SAMD4A: variants seen among roughly 807,000 people sequenced by gnomAD.
The protein encoded by SAMD4A is protein Smaug homolog 1.
In SAMD4A, 33 loss-of-function variants were observed where a neutral mutation model predicts 81.3. The observed-to-expected ratio is 0.41, with a 90% confidence interval of 0.31 to 0.54. The LOEUF (loss-of-function observed/expected upper bound fraction) is 0.54, where lower values mean the gene tolerates loss of function less well. Ranked by LOEUF, SAMD4A falls within the 20% of genes least tolerant of loss-of-function variation. SAMD4A has a pLI of 0.37. For synonymous variants in SAMD4A, 389 were observed against 382.1 expected (o/e 1.02, Z -0.21); for missense variants, 854 against 951.1 (o/e 0.90, Z 1.34).
intron 7 of SAMD4A, among the ~76,000 whole-genome samples, chr14:54,763,711 A>C (rs2038464237): frequency 6.6e-6 from 1 of 152,106 alleles, no homozygotes; most frequent in Non-Finnish European, 1.5e-5. Context: ...ACCCATCTCC[A>C]CTGTGGCCCT....
chr14:54,771,591 G>A (rs7155922), intron 9 of SAMD4A, among the ~76,000 whole-genome samples: 84,485 of 152,064 alleles, frequency 0.56, 23,598 homozygotes, highest in East Asian at 0.65. Flanking sequence ...GAGGATTCCC[G>A]ATGGCCCAGA....
intron 2 of SAMD4A, among the ~76,000 whole-genome samples, chr14:54,584,829 A>G (rs866541269): frequency 7.9e-5 from 12 of 152,238 alleles, no homozygotes; most frequent in African/African-American, 2.4e-4. Flanking sequence ...TATTTTATTA[A>G]GTATACTTTC....
chr14:54,702,809 T>C, intron 3 of SAMD4A: 1 of 526,484 alleles, frequency 1.9e-6, no homozygotes, highest in Non-Finnish European at 3.3e-6. Context: ...AAATTTGGGT[T>C]ATAAACAGAC....
intron 2 of SAMD4A, among the ~76,000 whole-genome samples, chr14:54,624,173 C>G (rs775037616): frequency 2.6e-5 from 4 of 151,442 alleles, no homozygotes; most frequent in Non-Finnish European, 4.4e-5. Context: ...CAGGGTTTCA[C>G]CATGTTGGCC....
chr14:54,576,767 TAGC>T (rs1392715574), intron 2 of SAMD4A, among the ~76,000 whole-genome samples: 1 of 152,184 alleles, frequency 6.6e-6, no homozygotes. Flanking sequence ...AATGGAGAAA[TAGC>T]AGCAGGTGAG....
At chr14:54,605,008 A>C (rs776340110) in intron 2 of SAMD4A, among the ~76,000 whole-genome samples, 1 of 152,250 alleles carries the variant, frequency 6.6e-6, no homozygotes, top group African/African-American at 2.4e-5. Flanking sequence ...CCTTATGCTC[A>C]AACTCCTTTC....
intron 8 of SAMD4A, among the ~76,000 whole-genome samples, chr14:54,765,944 T>C (rs1352698443): frequency 6.6e-6 from 1 of 152,262 alleles, no homozygotes; most frequent in East Asian, 1.9e-4. Context: ...CCGTATGGAT[T>C]CTTATGTGCC....
intron 2 of SAMD4A, among the ~76,000 whole-genome samples, chr14:54,584,203 A>G (rs2033553388): frequency 6.6e-6 from 1 of 152,240 alleles, no homozygotes; most frequent in Non-Finnish European, 1.5e-5. Flanking sequence ...TGATTCAAAT[A>G]AAGCATTGCA....
intron 2 of SAMD4A, among the ~76,000 whole-genome samples, chr14:54,627,429 A>G (rs1007524272): frequency 6.6e-5 from 10 of 152,170 alleles, no homozygotes; most frequent in Admixed American, 1.3e-4. Flanking sequence ...CATTCATTAG[A>G]TGATCTAGCT....
At chr14:54,691,322 A>G (rs1191471065) in intron 2 of SAMD4A, among the ~76,000 whole-genome samples, 4 of 151,972 alleles carry the variant, frequency 2.6e-5, no homozygotes, top group Non-Finnish European at 4.4e-5. Flanking sequence ...ATCCCCACCA[A>G]TGTGGCCAAA....
chr14:54,694,235 A>T (rs562187291), intron 2 of SAMD4A: 1 of 152,660 alleles, frequency 6.6e-6, no homozygotes, highest in Non-Finnish European at 1.5e-5. Context: ...TCCTTCTTTT[A>T]GAAATGATTG....
intron 2 of SAMD4A, among the ~76,000 whole-genome samples, chr14:54,574,162 C>T (rs193275922): frequency 3.3e-4 from 50 of 152,328 alleles, no homozygotes; most frequent in African/African-American, 1.0e-3. Context: ...AGCTGAAATA[C>T]ACATTACTCC....
Position 54,639,106 on chromosome 14 carries a change from A to G in SAMD4A, c.197-62956A>G, listed in dbSNP as rs112311096. ...GGACCATGCCATTTGGTACTTATTG[A>G]CCCCAGCAAATTACTTTAATCCCTC... On this transcript the variant is annotated intron_variant, in intron 2 of 12. Transcript: ENST00000554335. Among the ~76,000 whole-genome samples the G allele has an allele frequency of 3.5e-4, 54 of 152,242 alleles. 3 individuals carry two copies. Among genetic ancestry groups the G allele is most frequent in the African/African-American group, 1.3e-3 (53 of 41,544 alleles).
At chr14:54,767,760 A>G (rs1339411518) in intron 8 of SAMD4A, among the ~76,000 whole-genome samples, 13 of 152,202 alleles carry the variant, frequency 8.5e-5, no homozygotes, top group Admixed American at 8.5e-4. Context: ...TTTGGGCATC[A>G]TAGCCAATGC....
chr14:54,671,658 C>T (rs996901441), intron 2 of SAMD4A, among the ~76,000 whole-genome samples: 17 of 152,142 alleles, frequency 1.1e-4, no homozygotes, highest in African/African-American at 2.9e-4. Context: ...ACACGTGGAA[C>T]GAACTCAGTC....
At chr14:54,644,589 C>G (rs186658307) in intron 2 of SAMD4A, among the ~76,000 whole-genome samples, 6 of 152,274 alleles carry the variant, frequency 3.9e-5, no homozygotes, top group African/African-American at 1.4e-4. Context: ...TAGAAAGTCC[C>G]AAGTCCAAGA....
intron 7 of SAMD4A, among the ~76,000 whole-genome samples, chr14:54,761,926 G>A (rs1266761595): frequency 6.6e-6 from 1 of 152,068 alleles, no homozygotes; most frequent in Non-Finnish European, 1.5e-5. Context: ...ATCTTCATTA[G>A]TCTGCAGCAC....
At chr14:54,731,713 G>A (rs1332645467) in intron 3 of SAMD4A, among the ~76,000 whole-genome samples, 1 of 152,158 alleles carries the variant, frequency 6.6e-6, no homozygotes, top group Admixed American at 6.5e-5. Flanking sequence ...GACTAGCTTA[G>A]AAGGAAAAAA....
chr14:54,752,696 A>G (rs1048528137), intron 6 of SAMD4A, among the ~76,000 whole-genome samples: 1 of 152,362 alleles, frequency 6.6e-6, no homozygotes, highest in Admixed American at 6.5e-5. Context: ...GAGACAAAGT[A>G]TAGAGAAACA....
Sources: gnomAD v4.1 joint callset for allele counts (sites outside exome capture counted in the v4.1 genomes callset) on GRCh38, gnomAD v4.1.1 for gene constraint, MANE v1.5 for transcripts, NCBI Gene and HGNC (gene_info 2026-07-23, HGNC 2026-07-21) for gene names.